Variants in STT3B observed in about 807,000 individuals in gnomAD.
STT3B encodes STT3 oligosaccharyltransferase complex catalytic subunit B.
STT3B carries 29 observed loss-of-function variants against 96.8 expected under a neutral mutation model. The observed-to-expected ratio is 0.30, with a 90% CI of 0.22 to 0.41. The LOEUF (loss-of-function observed/expected upper bound fraction) is 0.41, where lower values mean the gene tolerates loss of function less well. STT3B is among the 10% of genes least tolerant of loss of function. The pLI is 1.00. For missense variants in STT3B, 640 were observed against 1,022.3 expected (o/e 0.63, Z 5.10); for synonymous variants, 367 against 360.0 (o/e 1.02, Z -0.22).
At chr3:31,620,003 G>A (rs1482162319) in intron 9 of STT3B, 173 bp downstream of exon 9, 2 of 1,465,966 alleles carry the variant, frequency 1.4e-6, no homozygotes, top group Admixed American at 2.2e-5. Flanking sequence ...GGCTGGGCAT[G>A]GTGGCACACG....
At chr3:31,559,177 G>C (rs1043848663) in intron 1 of STT3B, among the ~76,000 whole-genome samples, 3 of 148,168 alleles carry the variant, frequency 2.0e-5, no homozygotes, top group Non-Finnish European at 4.5e-5. Flanking sequence ...GTGTGTGTGT[G>C]TGTGTGTGTG....
rs538837415 is a variant in STT3B at position 31,578,690 on chromosome 3, C to G, written c.424-1119C>G. Among the ~76,000 whole-genome samples the G allele has an allele frequency of 3.5e-4, 53 of 152,078 alleles. 1 individual carries two copies. In the East Asian group the frequency reaches 9.5e-3, roughly 27 times the overall value. On this transcript the variant is annotated intron_variant, in intron 2 of 15. Transcript: ENST00000295770. ...ATGCTTTTTTTTCCTCCCCCTCCCC[C>G]TTTCTCCTTCCATGCATGCAGTAGG...
intron 1 of STT3B, among the ~76,000 whole-genome samples, chr3:31,563,886 A>G (rs4955105): frequency 0.19 from 28,879 of 151,858 alleles, 3,403 homozygotes; most frequent in Admixed American, 0.4. Flanking sequence ...GCTCACTGCA[A>G]CCTCCACCTC....
In STT3B at chr3:31,590,109, A is replaced by T. The variant is rs1191850010; in HGVS notation, c.712-6689A>T. ...AAAGTTTTTTTATTTTATCTAAATG[A>T]CCTAATTTGTCGGCAGAAATTGTTC... On this transcript the variant is annotated intron_variant, in intron 3 of 15. Transcript: ENST00000295770. Among the ~76,000 whole-genome samples the T allele has an allele frequency of 3.3e-5, 5 of 151,926 alleles. No homozygotes were observed. The East Asian group carries it at 9.6e-4, about 29-fold the overall frequency.
At chr3:31,580,495 T>C (rs1270916110) in intron 3 of STT3B, among the ~76,000 whole-genome samples, 1 of 152,206 alleles carries the variant, frequency 6.6e-6, no homozygotes, top group Non-Finnish European at 1.5e-5. Context: ...TAATGATTTT[T>C]TCCCCTGTGT....
chr3:31,606,347 C>T (rs1699054243), intron 5 of STT3B, among the ~76,000 whole-genome samples: 1 of 152,204 alleles, frequency 6.6e-6, no homozygotes. Flanking sequence ...ACCTTTGCAG[C>T]AGCCCCTCCC....
chr3:31,635,594 T>C (rs1196260117), intron 15 of STT3B, among the ~76,000 whole-genome samples: 1 of 152,196 alleles, frequency 6.6e-6, no homozygotes, highest in Non-Finnish European at 1.5e-5. Context: ...AACGTGTTTT[T>C]CTGGCACACA....
intron 5 of STT3B, among the ~76,000 whole-genome samples, chr3:31,610,135 T>C (rs901040356): frequency 6.6e-6 from 1 of 152,206 alleles, no homozygotes; most frequent in Non-Finnish European, 1.5e-5. Flanking sequence ...TTAATCCATG[T>C]TTCTTACTAT....
intron 2 of STT3B, 111 bp from the exon 3 acceptor site, chr3:31,579,698 T>C: frequency 1.2e-6 from 1 of 858,810 alleles, no homozygotes; most frequent in Non-Finnish European, 1.7e-6. Context: ...TTTGAGATGT[T>C]GCTTTCAAAC....
rs1417398633 is a variant in STT3B, at chr3:31,579,807, A to T, written c.424-2A>T. On this transcript the variant is annotated splice_acceptor_variant, in intron 2 of 15. Transcript: ENST00000295770. LOFTEE classifies it high-confidence loss of function. ...TTAAATTTTCCATTTTTTTCTTCCT[A>T]GGTTTACCCAGGGTTGATGATAACC... 6.3e-6 allele frequency: 10 copies of T among 1,588,842 alleles called. No individual in the cohort carries two copies. The highest frequency in any genetic ancestry group is 3.4e-5 in the South Asian group (3 of 87,032).
intron 5 of STT3B, among the ~76,000 whole-genome samples, chr3:31,607,409 T>C (rs986538767): frequency 6.6e-6 from 1 of 152,104 alleles, no homozygotes; most frequent in Non-Finnish European, 1.5e-5. Flanking sequence ...CGGTGGGAAA[T>C]GATGCATGGG....
chr3:31,619,506 G>A (rs1296362720), intron 8 of STT3B, among the ~76,000 whole-genome samples, 170 bp from the exon 9 acceptor site: 1 of 152,156 alleles, frequency 6.6e-6, no homozygotes, highest in African/African-American at 2.4e-5. Flanking sequence ...TTTTACCAGT[G>A]TAGACCAAAC....
At chr3:31,595,610 C>T (rs1698772243) in intron 3 of STT3B, among the ~76,000 whole-genome samples, 1 of 152,072 alleles carries the variant, frequency 6.6e-6, no homozygotes, top group African/African-American at 2.4e-5. Flanking sequence ...TACTTTCTCC[C>T]CAGATTTTGA....
chr3:31,594,547 A>G (rs911303764), intron 3 of STT3B, among the ~76,000 whole-genome samples: 7 of 151,774 alleles, frequency 4.6e-5, no homozygotes, highest in Non-Finnish European at 8.8e-5. Context: ...CTCCTGCCTC[A>G]GCCTCCTGAG....
chr3:31,565,629 T>G (rs1697986138), intron 1 of STT3B, among the ~76,000 whole-genome samples: 1 of 152,208 alleles, frequency 6.6e-6, no homozygotes, highest in Non-Finnish European at 1.5e-5. Flanking sequence ...GAGCTAGAGA[T>G]AGGGACTACT....
At position 31,579,815 on chromosome 3, in the gene STT3B, C is replaced by G; in HGVS notation, c.430C>G (p.Pro144Ala). The G allele has an allele frequency of 6.2e-7, 1 of 1,606,658 alleles. No homozygotes were observed. The highest frequency in any genetic ancestry group is 8.5e-7 in the Non-Finnish European group (1 of 1,175,300). Reference protein sequence around the residue: ...LGRIVGGTVYPGLMITAGLIH... With the variant: ...LGRIVGGTVYAGLMITAGLIH... ...TCCATTTTTTTCTTCCTAGGTTTAC[C>G]CAGGGTTGATGATAACCGCTGGCCT... Residue 144 changes from proline to alanine, a missense_variant, in exon 3 of 16, where the codon CCA becomes GCA. Coordinates refer to ENST00000295770, the MANE Select transcript of STT3B (RefSeq NM_178862.3).
At chr3:31,554,798 A>G (rs144284659) in intron 1 of STT3B, among the ~76,000 whole-genome samples, 226 of 152,188 alleles carry the variant, frequency 1.5e-3, no homozygotes, top group Non-Finnish European at 2.4e-3. Context: ...CTTTACCTCT[A>G]TTTTCTCTAA....
At chr3:31,546,216 A>G (rs192929481) in intron 1 of STT3B, among the ~76,000 whole-genome samples, 2 of 152,320 alleles carry the variant, frequency 1.3e-5, no homozygotes, top group Admixed American at 1.3e-4. Context: ...ACAAAACAGC[A>G]TTTTATTATT....
At chr3:31,579,091 A>T (rs1301940123) in intron 2 of STT3B, among the ~76,000 whole-genome samples, 2 of 152,022 alleles carry the variant, frequency 1.3e-5, no homozygotes, top group Non-Finnish European at 2.9e-5. Context: ...AATCCTTTTA[A>T]TATTTGATGT....
Sources: allele counts gnomAD v4.1 joint callset (sites outside exome capture counted in the v4.1 genomes callset), GRCh38; gene constraint gnomAD v4.1.1; transcripts MANE v1.5; gene names NCBI Gene and HGNC (gene_info 2026-07-23, HGNC 2026-07-21).